Variants in PLCXD3 observed in about 807,000 individuals in gnomAD.
The protein encoded by PLCXD3 is PI-PLC X domain-containing protein 3.
Under a neutral mutation model 25.5 loss-of-function variants are expected in PLCXD3, and 19 were observed. That is an observed-to-expected ratio of 0.75 (90% CI 0.52 to 1.09). PLCXD3 has a LOEUF of 1.09. PLCXD3 is among the 50% of genes least tolerant of loss of function. The pLI, the probability that PLCXD3 is intolerant of heterozygous loss-of-function variation, is 0.00. For synonymous variants in PLCXD3, 174 were observed against 137.6 expected, an observed-to-expected ratio of 1.26 and a Z score of -1.85; for missense variants, 411 against 388.1, an observed-to-expected ratio of 1.06 and a Z score of -0.50.
chr5:41,475,697 C>G (rs746243032), intron 1 of PLCXD3: 3 of 534,736 alleles, frequency 5.6e-6, no homozygotes, highest in Non-Finnish European at 1.2e-5. Flanking sequence ...TATTTGAGAC[C>G]ATCACTACGA....
intron 2 of PLCXD3, among the ~76,000 whole-genome samples, chr5:41,334,306 A>G (rs1743919022): frequency 1.3e-5 from 2 of 152,116 alleles, no homozygotes; most frequent in African/African-American, 2.4e-5. Flanking sequence ...CTCACTGCCA[A>G]CACATACCCA....
intron 1 of PLCXD3, among the ~76,000 whole-genome samples, chr5:41,478,295 C>T (rs1035052449): frequency 6.6e-6 from 1 of 152,138 alleles, no homozygotes; most frequent in Admixed American, 6.5e-5. Flanking sequence ...ACTAAATAAG[C>T]AACCATAAGT....
chr5:41,374,533 A>G (rs372870387), intron 2 of PLCXD3, among the ~76,000 whole-genome samples: 1 of 152,180 alleles, frequency 6.6e-6, no homozygotes, highest in Non-Finnish European at 1.5e-5. Flanking sequence ...GCCACGTACA[A>G]TACATACAAA....
intron 2 of PLCXD3, 40 bp downstream of exon 2, chr5:41,381,786 A>G: frequency 6.8e-7 from 1 of 1,481,082 alleles, no homozygotes; most frequent in East Asian, 2.3e-5. Context: ...TTCAAGTTAA[A>G]TTATTTGAGG....
intron 1 of PLCXD3, among the ~76,000 whole-genome samples, chr5:41,423,293 T>A (rs774363507): frequency 1.3e-5 from 2 of 152,124 alleles, no homozygotes; most frequent in Non-Finnish European, 2.9e-5. Flanking sequence ...CTGTGTTTTG[T>A]GGTTAGAATA....
intron 1 of PLCXD3, among the ~76,000 whole-genome samples, chr5:41,409,887 A>G (rs1485874497): frequency 6.6e-6 from 1 of 152,262 alleles, no homozygotes; most frequent in Non-Finnish European, 1.5e-5. Flanking sequence ...ACAATATTCA[A>G]GAAGTATTAA....
At chr5:41,342,974 A>ATC (rs1744194096) in intron 2 of PLCXD3, among the ~76,000 whole-genome samples, 1 of 152,118 alleles carries the variant, frequency 6.6e-6, no homozygotes, top group Non-Finnish European at 1.5e-5. Flanking sequence ...CAGTTCTCAA[A>ATC]ACTAACAAAT....
intron 2 of PLCXD3, among the ~76,000 whole-genome samples, chr5:41,353,193 T>C (rs1197410840): frequency 2.6e-5 from 4 of 151,182 alleles, no homozygotes; most frequent in Non-Finnish European, 5.9e-5. Flanking sequence ...CCCGGGTTCA[T>C]GCCATTCTCC....
At chr5:41,429,022 G>A (rs1000534050) in intron 1 of PLCXD3, among the ~76,000 whole-genome samples, 6 of 152,212 alleles carry the variant, frequency 3.9e-5, no homozygotes, top group African/African-American at 9.6e-5. Context: ...TTTTGAAGAC[G>A]TGTTGCTTCC....
chr5:41,430,031 T>C (rs2150508391), intron 1 of PLCXD3, among the ~76,000 whole-genome samples: 1 of 152,222 alleles, frequency 6.6e-6, no homozygotes, highest in Non-Finnish European at 1.5e-5. Context: ...CTCCCAATGA[T>C]CTAAAACAAA....
chr5:41,506,044 G>A (rs112713672), intron 1 of PLCXD3, among the ~76,000 whole-genome samples: 2,151 of 152,246 alleles, frequency 0.014, 53 homozygotes, highest in African/African-American at 0.049. Flanking sequence ...AATCATCTAG[G>A]GATTGTGTTA....
chr5:41,413,853 G>A (rs1746626650), intron 1 of PLCXD3, among the ~76,000 whole-genome samples: 1 of 152,050 alleles, frequency 6.6e-6, no homozygotes, highest in Non-Finnish European at 1.5e-5. Context: ...ATACAAATAT[G>A]TTTTTCAAAT....
chr5:41,385,367 T>C (rs542441819), intron 1 of PLCXD3, among the ~76,000 whole-genome samples: 16 of 152,250 alleles, frequency 1.1e-4, no homozygotes, highest in African/African-American at 3.8e-4. Context: ...ATGTTGAGTT[T>C]AGTTTCTCAT....
intron 1 of PLCXD3, among the ~76,000 whole-genome samples, chr5:41,417,838 T>A (rs937067563): frequency 2.6e-5 from 4 of 152,198 alleles, no homozygotes; most frequent in Non-Finnish European, 5.9e-5. Context: ...ACTGTGGGCC[T>A]GAGGGGGTGT....
Position 41,499,534 on chromosome 5 carries a change from T to C in PLCXD3, c.103+10890A>G, listed in dbSNP as rs1338705844. Among the ~76,000 whole-genome samples the C allele has an allele frequency of 5.9e-5, 9 of 151,948 alleles. No individual in the cohort carries two copies. In the East Asian group the frequency reaches 1.7e-3, roughly 29 times the overall value. ...GAAAAGTCATCATACGTTCATGGACTGGAAGACTTAATATTGCTCAAATGT... is the reference window on the plus strand; with the variant it reads ...GAAAAGTCATCATACGTTCATGGACCGGAAGACTTAATATTGCTCAAATGT... On this transcript the variant is annotated intron_variant, in intron 1 of 2. Coordinates refer to ENST00000377801, the MANE Select transcript of PLCXD3 (RefSeq NM_001005473.3).
chr5:41,464,967 G>A (rs1747979681), intron 1 of PLCXD3, among the ~76,000 whole-genome samples: 3 of 151,920 alleles, frequency 2.0e-5, no homozygotes, highest in Admixed American at 6.6e-5. Context: ...AAAAAATGTA[G>A]TGGTCATTTT....
In PLCXD3 at chr5:41,510,459, A is replaced by C; in HGVS notation, c.68T>G (p.Met23Arg). 8 of 1,611,354 alleles carry C rather than the reference A, an allele frequency of 5.0e-6. No individual in the cohort carries two copies. Among genetic ancestry groups the C allele is most frequent in the Non-Finnish European group, 5.9e-6 (7 of 1,178,742 alleles). ...ADWMATLPES[M>R]HSIPLTNLAI... ...TAAATTGGTGAGGGGGATGCTGTGCATGCTCTCCGGCAGAGTTGCCATCCA... is the reference window on the plus strand; with the variant it reads ...TAAATTGGTGAGGGGGATGCTGTGCCTGCTCTCCGGCAGAGTTGCCATCCA... The change falls in exon 1 of 3, where the codon ATG becomes AGG. Residue 23 changes from methionine to arginine, a missense_variant. By Grantham distance (91) the Met-to-Arg change is moderately conservative. Transcript: ENST00000377801.
intron 1 of PLCXD3, among the ~76,000 whole-genome samples, chr5:41,438,544 C>T (rs983376154): frequency 3.0e-4 from 46 of 152,174 alleles, no homozygotes; most frequent in Non-Finnish European, 1.3e-4. Context: ...GTGTCCTGGG[C>T]TTCAATCTGT....
chr5:41,455,273 T>A (rs1747727468), intron 1 of PLCXD3, among the ~76,000 whole-genome samples: 2 of 151,960 alleles, frequency 1.3e-5, no homozygotes, highest in Non-Finnish European at 2.9e-5. Flanking sequence ...CTCATGGTAA[T>A]TTGTTACAGC....
Sources: gnomAD v4.1 joint callset for allele counts (sites outside exome capture counted in the v4.1 genomes callset) on GRCh38, gnomAD v4.1.1 for gene constraint, MANE v1.5 for transcripts, NCBI Gene and HGNC (gene_info 2026-07-23, HGNC 2026-07-21) for gene names.